TCTN2: variants seen among roughly 807,000 people sequenced by gnomAD.
The protein encoded by TCTN2 is tectonic-2.
A neutral mutation model predicts 83.4 loss-of-function variants in TCTN2; 66 were observed. The observed-to-expected ratio is 0.79, with a 90% CI of 0.65 to 0.97. The LOEUF (loss-of-function observed/expected upper bound fraction) is 0.97, where lower values mean the gene tolerates loss of function less well. Among genes scored for constraint, TCTN2 ranks in the 50% least tolerant of loss-of-function variants. The pLI, the probability that TCTN2 is intolerant of heterozygous loss-of-function variation, is 0.00. For synonymous variants in TCTN2, 301 were observed against 326.7 expected, an observed-to-expected ratio of 0.92 and a Z score of 0.85; for missense variants, 794 against 858.1, an observed-to-expected ratio of 0.93 and a Z score of 0.93.
chr12:123,688,945 G>A (rs1223298453), intron 7 of TCTN2, among the ~76,000 whole-genome samples: 3 of 151,676 alleles, frequency 2.0e-5, no homozygotes, highest in East Asian at 1.9e-4. Flanking sequence ...TAGTAGAGAC[G>A]GGGTTTCTCC....
Position 123,690,483 on chromosome 12 carries a change from A to G in TCTN2, c.892-50A>G, listed in dbSNP as rs369767291. On this transcript the variant is annotated intron_variant, in intron 7 of 17. Transcript: ENST00000303372. ...TTTAAGGGATGCTGATCTGTTTTGT[A>G]TGATTAGGAGAGAGGCCATAAATCT... 37 of 1,613,530 alleles carry G rather than the reference A, an allele frequency of 2.3e-5. No individual in the cohort carries two copies. In the African/African-American group the frequency reaches 2.9e-4, roughly 13 times the overall value.
At chr12:123,674,592 T>A (rs1407772155) in intron 4 of TCTN2, among the ~76,000 whole-genome samples, 1 of 152,130 alleles carries the variant, frequency 6.6e-6, no homozygotes, top group Non-Finnish European at 1.5e-5. Context: ...CATGACTGCA[T>A]CTTAAGAAGA....
intron 3 of TCTN2, 97 bp downstream of exon 3, chr12:123,672,229 C>T: frequency 4.6e-6 from 5 of 1,082,338 alleles, no homozygotes; most frequent in Non-Finnish European, 7.1e-6. Flanking sequence ...TGGCTTTCTC[C>T]ATGCTCTCAA....
intron 13 of TCTN2, 59 bp from the exon 14 acceptor site, chr12:123,699,645 A>G: frequency 1.5e-6 from 2 of 1,376,818 alleles, no homozygotes; most frequent in Non-Finnish European, 2.1e-6. Context: ...ATTCACTGGA[A>G]ATGACTTTAG....
At chr12:123,678,142 TC>T (rs1566245955) in intron 4 of TCTN2, among the ~76,000 whole-genome samples, 6 of 152,150 alleles carry the variant, frequency 3.9e-5, no homozygotes. Flanking sequence ...CACTGTATCA[TC>T]CCTGCATAAC....
At chr12:123,672,183 A>G in intron 3 of TCTN2, 51 bp downstream of exon 3, 4 of 1,500,406 alleles carry the variant, frequency 2.7e-6, no homozygotes, top group Non-Finnish European at 3.7e-6. Context: ...GCCCCCAGCT[A>G]GGGTTTCTGC....
chr12:123,704,046 C>G (rs1255617830), intron 14 of TCTN2, among the ~76,000 whole-genome samples: 1 of 141,472 alleles, frequency 7.1e-6, no homozygotes. Flanking sequence ...CTCCCTCTGT[C>G]GCCAGGCTGC....
chr12:123,689,345 C>A (rs1246833363), intron 7 of TCTN2, among the ~76,000 whole-genome samples: 2 of 152,018 alleles, frequency 1.3e-5, no homozygotes, highest in Non-Finnish European at 2.9e-5. Context: ...CTTGAGCCAC[C>A]GCGCCCAGCC....
intron 8 of TCTN2, among the ~76,000 whole-genome samples, chr12:123,691,801 G>C (rs994309934): frequency 1.3e-5 from 2 of 150,300 alleles, no homozygotes; most frequent in Non-Finnish European, 3.0e-5. Flanking sequence ...ACGTGATCTC[G>C]GCTCGCTGCA....
At chr12:123,673,902 A>ACGC (rs1955788329) in intron 4 of TCTN2, 92 bp downstream of exon 4, 7 of 1,251,362 alleles carry the variant, frequency 5.6e-6, no homozygotes, top group Non-Finnish European at 7.0e-6. Flanking sequence ...CGGGAGGTTG[A>ACGC]TGCTATAAAT....
At chr12:123,687,740 A>G (rs1440978643) in intron 6 of TCTN2, among the ~76,000 whole-genome samples, 1 of 151,998 alleles carries the variant, frequency 6.6e-6, no homozygotes, top group African/African-American at 2.4e-5. Context: ...AGGCAGGGTG[A>G]TCACCTGAGG....
rs573484845 is a variant in TCTN2 at position 123,696,019 on chromosome 12, CT to C, written c.1313-392del. 6.1e-5 allele frequency: 15 copies of C among 245,170 alleles called. No individual in the cohort carries two copies. In the East Asian group the frequency reaches 1.6e-3, roughly 26 times the overall value. The allele number at this position is 245,170 out of a possible 1,614,324, so 15.2% of individuals were successfully genotyped here. On this transcript the variant is annotated intron_variant, in intron 11 of 17. Transcript: ENST00000303372. ...CCAACACCCTCAGCAAATTTTTGTACTTTTAGTAGAGATGAGGTTTTGCCAT... is the reference window on the plus strand; with the variant it reads ...CCAACACCCTCAGCAAATTTTTGTACTTTAGTAGAGATGAGGTTTTGCCAT...
At chr12:123,692,979 C>T (rs1956061644) in intron 9 of TCTN2, among the ~76,000 whole-genome samples, 1 of 150,434 alleles carries the variant, frequency 6.6e-6, no homozygotes. Flanking sequence ...GTTCCAGCTT[C>T]CGTGAACCTT....
rs1025526121 is a variant in TCTN2, at chr12:123,706,826, GCA to G, written c.1873_1874del (p.Gln625ValfsTer16). 4.3e-6 allele frequency: 7 copies of G among 1,613,938 alleles called. No homozygotes were observed. The African/African-American group carries it at 5.3e-5, about 12-fold the overall frequency. ...ATCCGTCCAGTTTATTAAAATTCCT[GCA>G]CAGTTACCCCACCCCCTGACAAGGT... Reference protein sequence around the residue: ...SASVQFIKIPAQLPHPLTRFQ... With the variant: ...SASVQFIKIPXQLPHPLTRFQ... On this transcript the variant is annotated frameshift_variant, in exon 16 of 18. Transcript: ENST00000303372. LOFTEE classifies it high-confidence loss of function.
intron 14 of TCTN2, among the ~76,000 whole-genome samples, chr12:123,700,501 C>T (rs988499021): frequency 2.7e-4 from 41 of 152,164 alleles, no homozygotes; most frequent in African/African-American, 7.2e-4. Flanking sequence ...GGCACAATCT[C>T]GGCTCACTGC....
intron 7 of TCTN2, 125 bp from the exon 8 acceptor site, chr12:123,690,408 C>T: frequency 7.5e-6 from 10 of 1,333,308 alleles, no homozygotes; most frequent in Non-Finnish European, 9.5e-6. Context: ...GGTGAACTTG[C>T]CGTTGCTGAA....
intron 17 of TCTN2, 36 bp downstream of exon 17, chr12:123,707,109 AT>A (rs777212955): frequency 3.2e-6 from 5 of 1,587,054 alleles, no homozygotes; most frequent in Non-Finnish European, 3.5e-6. Context: ...CAATTATGTT[AT>A]GTCAATTTAA....
chr12:123,675,445 CAA>C (rs766195294), intron 4 of TCTN2, among the ~76,000 whole-genome samples: 1 of 152,144 alleles, frequency 6.6e-6, no homozygotes, highest in Non-Finnish European at 1.5e-5. Flanking sequence ...ACTTTAGTAG[CAA>C]AAGTCTGTTA....
intron 8 of TCTN2, among the ~76,000 whole-genome samples, chr12:123,691,776 G>C (rs1956045322): frequency 6.7e-6 from 1 of 149,612 alleles, no homozygotes; most frequent in Admixed American, 6.7e-5. Context: ...CTGTCACCCA[G>C]GCTGGAGTGC....
Sources: gnomAD v4.1 joint callset for allele counts (sites outside exome capture counted in the v4.1 genomes callset) on GRCh38, gnomAD v4.1.1 for gene constraint, MANE v1.5 for transcripts, NCBI Gene and HGNC (gene_info 2026-07-23, HGNC 2026-07-21) for gene names.